Variants in SHQ1 observed in about 807,000 individuals in gnomAD.
SHQ1 encodes the protein SHQ1, H/ACA ribonucleoprotein assembly factor.
SHQ1 carries 49 observed loss-of-function variants against 53.8 expected under a neutral mutation model. The observed-to-expected ratio is 0.91, with a 90% CI of 0.72 to 1.16. The LOEUF (loss-of-function observed/expected upper bound fraction) is 1.16. SHQ1 is among the 50% of genes most tolerant of loss of function. The pLI, the probability that SHQ1 is intolerant of heterozygous loss-of-function variation, is 0.00. For synonymous variants in SHQ1, 243 were observed against 251.0 expected, an observed-to-expected ratio of 0.97 and a Z score of 0.30; for missense variants, 738 against 683.1, an observed-to-expected ratio of 1.08 and a Z score of -0.90.
intron 7 of SHQ1, among the ~76,000 whole-genome samples, chr3:72,816,413 G>A (rs1282725730): frequency 1.3e-5 from 2 of 152,056 alleles, no homozygotes; most frequent in Non-Finnish European, 2.9e-5. Context: ...AATTATTTGT[G>A]TAATTCAAAA....
intron 5 of SHQ1, among the ~76,000 whole-genome samples, chr3:72,830,147 C>A (rs912154798): frequency 2.1e-4 from 32 of 151,216 alleles, no homozygotes; most frequent in Admixed American, 2.1e-3. Flanking sequence ...AAAATAACAT[C>A]CAGATTTTAC....
At position 72,832,360 on chromosome 3, in the gene SHQ1, A is replaced by G. The variant is rs1332214523; in HGVS notation, c.599+9T>C. 1 of 1,585,038 alleles carries G rather than the reference A, an allele frequency of 6.3e-7. No individual in the cohort carries two copies. Among genetic ancestry groups the G allele is most frequent in the South Asian group, 1.1e-5 (1 of 89,680 alleles). ...AAATTATTTAATCCTCAAAAATCTC[A>G]TTACTCACAGATAATGATCAGGATC... On this transcript the variant is annotated intron_variant, in intron 5 of 10. Transcript: ENST00000325599.
intron 5 of SHQ1, among the ~76,000 whole-genome samples, chr3:72,828,248 G>A (rs1707721960): frequency 6.6e-6 from 1 of 152,212 alleles, no homozygotes; most frequent in Non-Finnish European, 1.5e-5. Context: ...TAACAGGGGA[G>A]CACTGAGGTG....
Position 72,779,815 on chromosome 3 carries a change from A to G in SHQ1, c.1181+13101T>C, listed in dbSNP as rs1278535921. Among the ~76,000 whole-genome samples, 4 of 152,256 alleles carry G rather than the reference A, an allele frequency of 2.6e-5. No homozygotes were observed. The East Asian group carries it at 7.7e-4, about 29-fold the overall frequency. On this transcript the variant is annotated intron_variant, in intron 10 of 10. Coordinates refer to ENST00000325599, the MANE Select transcript of SHQ1 (RefSeq NM_018130.3). ...TTAAAATGGCAGGGGACTTTGAAATAGTATGATTAACAGAAACAAGTAACA... is the reference window on the plus strand; with the variant it reads ...TTAAAATGGCAGGGGACTTTGAAATGGTATGATTAACAGAAACAAGTAACA...
downstream of SHQ1, among the ~76,000 whole-genome samples, chr3:72,744,926 G>T (rs114088367): frequency 1.2e-3 from 137 of 113,770 alleles, 3 homozygotes; most frequent in African/African-American, 2.6e-3. Flanking sequence ...GATACATTGG[G>T]GGGGGGGGGT....
At chr3:72,737,270 T>G in the SHQ1 span, among the ~76,000 whole-genome samples, 1 of 151,924 alleles carries the variant, frequency 6.6e-6, no homozygotes, top group Non-Finnish European at 1.5e-5. Context: ...AAAGCAAGAT[T>G]CTGTCTCCCA....
Position 72,812,791 on chromosome 3 carries a change from A to G in SHQ1, c.940T>C (p.Trp314Arg). 1 of 1,613,822 alleles carries G rather than the reference A, an allele frequency of 6.2e-7. No individual in the cohort carries two copies. The highest frequency in any genetic ancestry group is 2.2e-5 in the East Asian group (1 of 44,842). ...ACCATGATATCATGAACGTTAGTCC[A>G]AGTCTGTGAAGTGTCATTTTAATAA... Reference protein sequence around the residue: ...LSPTLCWFETWTNVHDIMVSF... With the variant: ...LSPTLCWFETRTNVHDIMVSF... The change falls in exon 9 of 11, where the codon TGG (tryptophan) becomes CGG (arginine). Residue 314 changes from tryptophan to arginine, a missense_variant. Transcript: ENST00000325599.
rs1020333677 is a variant in SHQ1 at position 72,842,477 on chromosome 3, C to A, written c.209-75G>T. On this transcript the variant is annotated intron_variant, in intron 2 of 10. Coordinates refer to ENST00000325599, the MANE Select transcript of SHQ1 (RefSeq NM_018130.3). Reference sequence around the variant, plus strand: ...GGCACAATAGCTTACACCAGTAATCCCAATACTCTGGCAGTCTGAGGCAGG... The same window carrying A: ...GGCACAATAGCTTACACCAGTAATCACAATACTCTGGCAGTCTGAGGCAGG... 7.9e-6 allele frequency: 11 copies of A among 1,386,586 alleles called. No homozygotes were observed. In the African/African-American group the frequency reaches 1.3e-4, roughly 16 times the overall value. The allele number at this position is 1,386,586 out of a possible 1,614,324, so 85.9% of individuals were successfully genotyped here. A position where few individuals can be genotyped will look rare whatever the true frequency, so the allele number is the denominator to read the frequency against.
intron 5 of SHQ1, among the ~76,000 whole-genome samples, chr3:72,829,416 T>C (rs1472697451): frequency 6.6e-6 from 1 of 152,210 alleles, no homozygotes; most frequent in Non-Finnish European, 1.5e-5. Context: ...AACACAGAGA[T>C]TGAGATCTTG....
At chr3:72,757,798 G>C (rs1315289596) in intron 10 of SHQ1, among the ~76,000 whole-genome samples, 1 of 152,128 alleles carries the variant, frequency 6.6e-6, no homozygotes, top group Non-Finnish European at 1.5e-5. Context: ...ACATAGAGGG[G>C]AACAACACAC....
intron 1 of SHQ1, chr3:72,846,115 A>C: frequency 8.5e-7 from 1 of 1,173,992 alleles, no homozygotes; most frequent in Non-Finnish European, 1.2e-6. Context: ...ACAACAGGTG[A>C]GCATTCAGAA....
chr3:72,819,683 G>C (rs1707418998), intron 6 of SHQ1, among the ~76,000 whole-genome samples: 1 of 152,120 alleles, frequency 6.6e-6, no homozygotes. Context: ...CCCCATATAA[G>C]CAGACCTATG....
At chr3:72,740,905 G>A in the SHQ1 span, among the ~76,000 whole-genome samples, 2 of 152,300 alleles carry the variant, frequency 1.3e-5, no homozygotes, top group East Asian at 3.9e-4. Flanking sequence ...TTGCAAGACT[G>A]ATTCCAGATT....
At chr3:72,828,136 G>A (rs1047174838) in intron 5 of SHQ1, among the ~76,000 whole-genome samples, 1 of 152,164 alleles carries the variant, frequency 6.6e-6, no homozygotes, top group Non-Finnish European at 1.5e-5. Context: ...ATGAAGATCT[G>A]TAAAACTCAC....
intron 2 of SHQ1, among the ~76,000 whole-genome samples, chr3:72,844,130 C>T (rs977905078): frequency 6.6e-6 from 1 of 152,070 alleles, no homozygotes; most frequent in Non-Finnish European, 1.5e-5. Context: ...GGAAATAGAA[C>T]CGGAGCAGTT....
At chr3:72,755,347 T>A (rs1369197256) in intron 10 of SHQ1, among the ~76,000 whole-genome samples, 1 of 152,170 alleles carries the variant, frequency 6.6e-6, no homozygotes, top group Non-Finnish European at 1.5e-5. Context: ...TGATTTTTGA[T>A]CCTTTGCCAA....
At chr3:72,828,627 A>G (rs1341326656) in intron 5 of SHQ1, among the ~76,000 whole-genome samples, 1 of 152,110 alleles carries the variant, frequency 6.6e-6, no homozygotes, top group Non-Finnish European at 1.5e-5. Flanking sequence ...CCCGGGAGGC[A>G]GAGGCTGTGG....
the SHQ1 span, among the ~76,000 whole-genome samples, chr3:72,726,379 C>T: frequency 6.6e-6 from 1 of 151,900 alleles, no homozygotes; most frequent in Non-Finnish European, 1.5e-5. Flanking sequence ...GAGACAGAGA[C>T]CAGCTCTGTC....
chr3:72,823,838 T>C (rs898124299), intron 6 of SHQ1, among the ~76,000 whole-genome samples: 1 of 152,240 alleles, frequency 6.6e-6, no homozygotes, highest in African/African-American at 2.4e-5. Flanking sequence ...TATATATGTA[T>C]TCTTTCCATT....
Sources: allele counts gnomAD v4.1 joint callset (sites outside exome capture counted in the v4.1 genomes callset), GRCh38; gene constraint gnomAD v4.1.1; transcripts MANE v1.5; gene names NCBI Gene and HGNC (gene_info 2026-07-23, HGNC 2026-07-21).